The following PDGFC variants were observed in gnomAD, a reference collection of about 807,000 sequenced individuals.
PDGFC encodes platelet derived growth factor C, also known as platelet-derived growth factor C.
Under a neutral mutation model 35.5 loss-of-function variants are expected in PDGFC, and 12 were observed. The ratio of observed to expected loss-of-function variants is 0.34; its 90% CI spans 0.22 to 0.55. PDGFC has a LOEUF of 0.55. PDGFC is among the 20% of genes least tolerant of loss of function. The probability of loss-of-function intolerance (pLI) is 0.91; values close to 1 mark genes in which losing one functional copy is unlikely to be tolerated. For missense variants in PDGFC, 322 were observed against 412.4 expected (o/e 0.78, Z 1.90); for synonymous variants, 159 against 148.8 (o/e 1.07, Z -0.50).
chr4:156,874,855 T>C (rs1730073858), intron 1 of PDGFC, among the ~76,000 whole-genome samples: 1 of 152,106 alleles, frequency 6.6e-6, no homozygotes, highest in African/African-American at 2.4e-5. Context: ...TAGCTAGGAC[T>C]ACAGGTTCAC....
chr4:156,762,948 C>T lies in PDGFC; in HGVS notation c.*142G>A. The T allele has an allele frequency of 1.8e-6, 1 of 570,768 alleles. No individual in the cohort carries two copies. Among genetic ancestry groups the T allele is most frequent in the Non-Finnish European group, 3.2e-6 (1 of 310,740 alleles). The allele number at this position is 570,768 out of a possible 1,614,324, so 35.4% of individuals were successfully genotyped here. On this transcript the variant is annotated 3_prime_UTR_variant, in exon 6 of 6. Transcript: ENST00000502773. ...TAATTCTGTTTGATGTCTCCTCTTT[C>T]AGAATGCACTGTAAATCCTGAAGAT...
chr4:156,965,559 A>C (rs1326814282), intron 1 of PDGFC, among the ~76,000 whole-genome samples: 1 of 152,148 alleles, frequency 6.6e-6, no homozygotes, highest in Non-Finnish European at 1.5e-5. Context: ...GAATCATTTA[A>C]TCTAGATGAA....
intron 3 of PDGFC, among the ~76,000 whole-genome samples, chr4:156,800,528 A>C (rs1731572355): frequency 6.6e-6 from 1 of 152,174 alleles, no homozygotes; most frequent in Admixed American, 6.5e-5. Flanking sequence ...AAATATATTA[A>C]CAGCATTACT....
At chr4:156,781,163 C>T (rs1393542136) in intron 3 of PDGFC, among the ~76,000 whole-genome samples, 1 of 152,168 alleles carries the variant, frequency 6.6e-6, no homozygotes, top group Non-Finnish European at 1.5e-5. Flanking sequence ...CCGTAATTTG[C>T]AGTCGTACTT....
chr4:156,869,205 G>A (rs866080285), intron 1 of PDGFC, among the ~76,000 whole-genome samples: 20 of 152,108 alleles, frequency 1.3e-4, no homozygotes, highest in Middle Eastern at 3.4e-3. Flanking sequence ...AGGCAGAGGC[G>A]GGCGGATCAC....
chr4:156,769,385 G>T (rs1288659490), intron 4 of PDGFC, among the ~76,000 whole-genome samples: 1 of 151,638 alleles, frequency 6.6e-6, no homozygotes, highest in East Asian at 1.9e-4. Flanking sequence ...TGTCTTAATT[G>T]TCTTTGATAA....
At chr4:156,823,743 T>C (rs1418021108) in intron 2 of PDGFC, among the ~76,000 whole-genome samples, 1 of 152,100 alleles carries the variant, frequency 6.6e-6, no homozygotes, top group Non-Finnish European at 1.5e-5. Context: ...TCAGTATATA[T>C]CCACTGCAAT....
chr4:156,969,295 C>T (rs966055671), intron 1 of PDGFC, among the ~76,000 whole-genome samples: 2 of 152,194 alleles, frequency 1.3e-5, no homozygotes, highest in African/African-American at 4.8e-5. Flanking sequence ...GGTGCTGTGG[C>T]TCCTTTGATC....
At chr4:156,836,555 T>C (rs1312600548) in intron 2 of PDGFC, among the ~76,000 whole-genome samples, 1 of 152,184 alleles carries the variant, frequency 6.6e-6, no homozygotes, top group Non-Finnish European at 1.5e-5. Context: ...ATCATCCTCC[T>C]GAGACTCACA....
At chr4:156,958,719 T>C (rs1272728164) in intron 1 of PDGFC, among the ~76,000 whole-genome samples, 1 of 152,092 alleles carries the variant, frequency 6.6e-6, no homozygotes, top group African/African-American at 2.4e-5. Context: ...TTTTTATACA[T>C]CCACCCACCC....
chr4:156,845,269 A>C (rs1293588238), intron 2 of PDGFC, among the ~76,000 whole-genome samples: 1 of 151,896 alleles, frequency 6.6e-6, no homozygotes, highest in Non-Finnish European at 1.5e-5. Flanking sequence ...TATTAAGTTT[A>C]TATGAACAAT....
intron 2 of PDGFC, among the ~76,000 whole-genome samples, chr4:156,832,253 C>CTTTTT (rs542396769): frequency 2.1e-3 from 249 of 121,050 alleles, no homozygotes; most frequent in Non-Finnish European, 2.8e-3. Context: ...TTCTTTCTTT[C>CTTTTT]TTTTTTTTTT....
At chr4:156,880,266 A>G (rs1044783355) in intron 1 of PDGFC, among the ~76,000 whole-genome samples, 4 of 152,266 alleles carry the variant, frequency 2.6e-5, no homozygotes, top group Middle Eastern at 3.4e-3. Context: ...GACTAACACC[A>G]TTGGTGAATT....
At chr4:156,854,067 C>T (rs1387811508) in intron 1 of PDGFC, among the ~76,000 whole-genome samples, 1 of 152,044 alleles carries the variant, frequency 6.6e-6, no homozygotes, top group East Asian at 1.9e-4. Context: ...TGAGTTTCTC[C>T]CTATTGTCCA....
chr4:156,867,338 C>T (rs1329706051), intron 1 of PDGFC, among the ~76,000 whole-genome samples: 1 of 152,202 alleles, frequency 6.6e-6, no homozygotes, highest in East Asian at 1.9e-4. Flanking sequence ...CATACCAGTG[C>T]AATCTACGTG....
At chr4:156,816,113 ACT>A (rs1325451304) in intron 2 of PDGFC, among the ~76,000 whole-genome samples, 4 of 152,186 alleles carry the variant, frequency 2.6e-5, no homozygotes, top group African/African-American at 9.7e-5. Flanking sequence ...ATTGTCAGAC[ACT>A]CAGCTTCTTT....
At chr4:156,814,824 ATATCT>A (rs1404964484) in intron 2 of PDGFC, among the ~76,000 whole-genome samples, 1 of 152,178 alleles carries the variant, frequency 6.6e-6, no homozygotes, top group Non-Finnish European at 1.5e-5. Flanking sequence ...AGAAACAAAA[ATATCT>A]TAACTTTTGC....
chr4:156,821,629 T>C (rs1405952214), intron 2 of PDGFC, among the ~76,000 whole-genome samples: 1 of 152,124 alleles, frequency 6.6e-6, no homozygotes, highest in East Asian at 1.9e-4. Context: ...CTCACTGCAA[T>C]CTCTGCCTCC....
chr4:156,799,891 TA>T (rs925077195), intron 3 of PDGFC, among the ~76,000 whole-genome samples: 27 of 152,140 alleles, frequency 1.8e-4, no homozygotes, highest in Admixed American at 5.9e-4. Flanking sequence ...TTGTCACTAC[TA>T]AAAAAAATTG....
Sources: gnomAD v4.1 joint callset for allele counts (sites outside exome capture counted in the v4.1 genomes callset) on GRCh38, gnomAD v4.1.1 for gene constraint, MANE v1.5 for transcripts, NCBI Gene and HGNC (gene_info 2026-07-23, HGNC 2026-07-21) for gene names.